Variants in ANKRD11 observed in about 807,000 individuals in gnomAD.
The protein encoded by ANKRD11 is ankyrin repeat domain 11.
In ANKRD11, 17 loss-of-function variants were observed where a neutral mutation model predicts 195.7. That is an observed-to-expected ratio of 0.09 (90% CI 0.06 to 0.13). The LOEUF (loss-of-function observed/expected upper bound fraction) is 0.13, where lower values mean the gene tolerates loss of function less well. Ranked by LOEUF, ANKRD11 falls within the 10% of genes least tolerant of loss-of-function variation. The pLI is 1.00. For synonymous variants in ANKRD11, 1,953 were observed against 1,528.1 expected (o/e 1.28, Z -6.49); for missense variants, 3,735 against 3,566.1 (o/e 1.05, Z -1.21).
At position 89,275,082 on chromosome 16, in the gene ANKRD11, A is replaced by T; in HGVS notation, c.7569+11T>A. On this transcript the variant is annotated intron_variant, in intron 10 of 12. Coordinates refer to ENST00000301030, the MANE Select transcript of ANKRD11 (RefSeq NM_013275.6). ...GCCGTGGCGCCCCCCTGCCTGTGCCAGCCCACTTACCCGCTCGATGCTGTG... is the reference window on the plus strand; with the variant it reads ...GCCGTGGCGCCCCCCTGCCTGTGCCTGCCCACTTACCCGCTCGATGCTGTG... The T allele has an allele frequency of 6.2e-7, 1 of 1,612,856 alleles. No homozygotes were observed. The highest frequency in any genetic ancestry group is 8.5e-7 in the Non-Finnish European group (1 of 1,179,702).
chr16:89,361,127 C>T (rs773627580), intron 2 of ANKRD11, among the ~76,000 whole-genome samples: 1 of 152,204 alleles, frequency 6.6e-6, no homozygotes, highest in Non-Finnish European at 1.5e-5. Context: ...ATTACAGACA[C>T]CCTGGCTAGG....
chr16:89,388,407 A>ATAT (rs768149286), intron 2 of ANKRD11, among the ~76,000 whole-genome samples: 47 of 148,430 alleles, frequency 3.2e-4, no homozygotes, highest in Non-Finnish European at 6.5e-4. Flanking sequence ...TGGGATTATA[A>ATAT]GCGTGAGCCA....
Position 89,414,019 on chromosome 16 carries a change from ACCACGGGCCTGCACACCCTCCG to A in ANKRD11, c.-60+4243_-60+4264del, listed in dbSNP as rs559849414. On this transcript the variant is annotated intron_variant, in intron 2 of 12. Transcript: ENST00000301030. ...TGAGCTGACTTCCAGCCCAGCCACC[ACCACGGGCCTGCACACCCTCCG>A]CCACGGGCCTGCACACCCTCCAGGA... 8.8e-3 allele frequency among the ~76,000 whole-genome samples: 1,338 copies of A among 151,724 alleles called. 6 individuals are homozygous for A. Among genetic ancestry groups the A allele is most frequent in the Non-Finnish European group, 0.012 (837 of 67,872 alleles).
chr16:89,400,023 G>A (rs994202406), intron 2 of ANKRD11, among the ~76,000 whole-genome samples: 5 of 146,338 alleles, frequency 3.4e-5, no homozygotes, highest in South Asian at 4.5e-4. Flanking sequence ...GCTTCCCTGC[G>A]CTGGAGGCCG....
At chr16:89,332,136 A>T (rs1466068056) in intron 2 of ANKRD11, among the ~76,000 whole-genome samples, 1 of 152,204 alleles carries the variant, frequency 6.6e-6, no homozygotes, top group Non-Finnish European at 1.5e-5. Context: ...TTAAAAAAAA[A>T]AGATAATAAT....
At chr16:89,395,433 A>G (rs2041383328) in intron 2 of ANKRD11, among the ~76,000 whole-genome samples, 1 of 152,202 alleles carries the variant, frequency 6.6e-6, no homozygotes. Flanking sequence ...GAGAGGAGAC[A>G]GCGCTGGGAT....
intron 4 of ANKRD11, among the ~76,000 whole-genome samples, chr16:89,292,464 G>A (rs1445982694): frequency 6.6e-6 from 1 of 152,186 alleles, no homozygotes; most frequent in East Asian, 1.9e-4. Flanking sequence ...AGAGGACGCT[G>A]CCCACCCACT....
chr16:89,284,196 T>C lies in ANKRD11; in HGVS notation c.2346A>G (p.Leu782=). Residue 782 remains leucine (L), a synonymous_variant, in exon 9 of 13, where the codon TTA becomes TTG. Coordinates refer to ENST00000301030, the MANE Select transcript of ANKRD11 (RefSeq NM_013275.6). ...RPSKLEKKND[L]KEDKISKEKE... ...TCTCTTTTGAAATTTTGTCCTCTTT[T>C]AAATCATTCTTCTTCTCTAATTTTG... 2 of 1,611,344 alleles carry C rather than the reference T, an allele frequency of 1.2e-6. No individual in the cohort carries two copies. The highest frequency in any genetic ancestry group is 1.7e-6 in the Non-Finnish European group (2 of 1,179,476).
At chr16:89,374,675 G>A (rs1670012744) in intron 2 of ANKRD11, among the ~76,000 whole-genome samples, 1 of 152,188 alleles carries the variant, frequency 6.6e-6, no homozygotes, top group South Asian at 2.1e-4. Flanking sequence ...AGCTCCTCCA[G>A]AGAGCATCGG....
chr16:89,430,319 C>A (rs62068640), intron 1 of ANKRD11, among the ~76,000 whole-genome samples: 43 of 117,684 alleles, frequency 3.7e-4, no homozygotes, highest in South Asian at 2.2e-3. Flanking sequence ...TCTCAACTCT[C>A]GCGCTCAGAC....
At position 89,290,629 on chromosome 16, in the gene ANKRD11, G is replaced by T; in HGVS notation, c.597C>A (p.Phe199Leu). The change falls in exon 6 of 13, where the codon TTC becomes TTA. Residue 199 changes from phenylalanine to leucine, a missense_variant. Physicochemically the swap from Phe to Leu is conservative, Grantham distance 22 (BLOSUM62 0). Transcript: ENST00000301030. ...SEGADVNVKD[F>L]AGWTALHEAC... Reference sequence around the variant, plus strand: ...TGCCAGGCACAGGGTGCCCACCTGCGAAGTCCTTGACGTTGACGTCTGCCC... The same window carrying T: ...TGCCAGGCACAGGGTGCCCACCTGCTAAGTCCTTGACGTTGACGTCTGCCC... The T allele has an allele frequency of 6.2e-7, 1 of 1,612,578 alleles. No individual in the cohort carries two copies.
intron 2 of ANKRD11, among the ~76,000 whole-genome samples, chr16:89,378,102 T>G (rs1329668986): frequency 6.6e-6 from 1 of 152,118 alleles, no homozygotes; most frequent in Admixed American, 6.6e-5. Context: ...ATAATCCCAG[T>G]GCACTGGGAG....
intron 1 of ANKRD11, among the ~76,000 whole-genome samples, chr16:89,439,652 G>C (rs187791188): frequency 6.6e-6 from 1 of 152,276 alleles, no homozygotes; most frequent in Non-Finnish European, 1.5e-5. Context: ...AGAAAAGCTT[G>C]TTCTATTCTT....
rs200148195 is a variant in ANKRD11 at position 89,406,271 on chromosome 16, A to T, written c.-60+12013T>A. On this transcript the variant is annotated intron_variant, in intron 2 of 12. Transcript: ENST00000301030. Reference sequence around the variant, plus strand: ...TCGGCACCCACACGTGCTGGTCTCCAGGACAGACATGTCTCAGGCCAACGG... The same window carrying T: ...TCGGCACCCACACGTGCTGGTCTCCTGGACAGACATGTCTCAGGCCAACGG... Among the ~76,000 whole-genome samples the T allele has an allele frequency of 1.2e-4, 19 of 152,318 alleles. No homozygotes were observed. In the East Asian group the frequency reaches 3.5e-3, roughly 28 times the overall value.
chr16:89,394,245 G>T (rs754524019), intron 2 of ANKRD11, among the ~76,000 whole-genome samples: 1 of 152,192 alleles, frequency 6.6e-6, no homozygotes, highest in Non-Finnish European at 1.5e-5. Flanking sequence ...CAGTTCCACA[G>T]TGGTCTCCCA....
At chr16:89,470,364 G>A (rs74037206) in intron 1 of ANKRD11, among the ~76,000 whole-genome samples, 5,248 of 152,210 alleles carry the variant, frequency 0.034, 317 homozygotes, top group African/African-American at 0.12. Context: ...ATTAGGACAG[G>A]CACACAAGGG....
chr16:89,406,447 G>A (rs984093751), intron 2 of ANKRD11, among the ~76,000 whole-genome samples: 5 of 152,236 alleles, frequency 3.3e-5, no homozygotes, highest in African/African-American at 1.2e-4. Flanking sequence ...AGCAGCTGCT[G>A]AGAAGGCCGC....
At chr16:89,304,271 C>T (rs530667974) in intron 4 of ANKRD11, among the ~76,000 whole-genome samples, 85 of 152,208 alleles carry the variant, frequency 5.6e-4, no homozygotes, top group African/African-American at 2.0e-3. Flanking sequence ...GGCTTGCACA[C>T]GGGCACACAG....
At chr16:89,310,112 G>A (rs1039580787) in intron 3 of ANKRD11, among the ~76,000 whole-genome samples, 3 of 152,250 alleles carry the variant, frequency 2.0e-5, no homozygotes, top group Admixed American at 1.3e-4. Flanking sequence ...GTAAGAATGA[G>A]AGTCGTGTTG....
Sources: gnomAD v4.1 joint callset for allele counts (sites outside exome capture counted in the v4.1 genomes callset) on GRCh38, gnomAD v4.1.1 for gene constraint, MANE v1.5 for transcripts, NCBI Gene and HGNC (gene_info 2026-07-23, HGNC 2026-07-21) for gene names.